SORCS3: variants seen among roughly 807,000 people sequenced by gnomAD.
The protein encoded by SORCS3 is sortilin related VPS10 domain containing receptor 3, also known as VPS10 domain-containing receptor SorCS3.
A neutral mutation model predicts 146.3 loss-of-function variants in SORCS3; 57 were observed. That is an observed-to-expected ratio of 0.39 (90% CI 0.31 to 0.49). SORCS3 has a LOEUF of 0.49. Ranked by LOEUF, SORCS3 falls within the 20% of genes least tolerant of loss-of-function variation. The pLI is 0.92. For missense variants in SORCS3, 1,341 were observed against 1,575.5 expected (o/e 0.85, Z 2.52); for synonymous variants, 653 against 618.5 (o/e 1.06, Z -0.83).
chr10:104,949,564 A>G (rs1176931173), intron 3 of SORCS3, among the ~76,000 whole-genome samples: 2 of 152,234 alleles, frequency 1.3e-5, no homozygotes, highest in Admixed American at 6.5e-5. Context: ...GTAGCATTTC[A>G]TAAATACATT....
intron 14 of SORCS3, among the ~76,000 whole-genome samples, chr10:105,186,158 G>A (rs1376830223): frequency 6.6e-6 from 1 of 152,096 alleles, no homozygotes; most frequent in African/African-American, 2.4e-5. Flanking sequence ...GGAATTGGTG[G>A]GTCATGGTGA....
chr10:104,736,803 A>G (rs914151365), intron 1 of SORCS3, among the ~76,000 whole-genome samples: 23 of 151,118 alleles, frequency 1.5e-4, no homozygotes, highest in African/African-American at 5.1e-4. Context: ...TATTATACTT[A>G]AAGTTTTCGG....
At chr10:105,090,388 T>G (rs2055693754) in intron 6 of SORCS3, among the ~76,000 whole-genome samples, 1 of 152,134 alleles carries the variant, frequency 6.6e-6, no homozygotes, top group South Asian at 2.1e-4. Flanking sequence ...GCAGTGAAAT[T>G]TCAGGATTTT....
At chr10:104,774,373 C>A (rs2133485805) in intron 1 of SORCS3, among the ~76,000 whole-genome samples, 1 of 152,294 alleles carries the variant, frequency 6.6e-6, no homozygotes, top group South Asian at 2.1e-4. Context: ...AGGTATTCAG[C>A]TGCACCACAG....
chr10:104,726,098 CT>C (rs1310007948), intron 1 of SORCS3, among the ~76,000 whole-genome samples: 2 of 152,210 alleles, frequency 1.3e-5, no homozygotes. Context: ...GGAGCTGTTC[CT>C]TTTCGGCCAT....
chr10:105,223,865 G>A (rs1437835133), intron 20 of SORCS3, among the ~76,000 whole-genome samples: 1 of 152,214 alleles, frequency 6.6e-6, no homozygotes, highest in Non-Finnish European at 1.5e-5. Context: ...GAAGCTGGGA[G>A]CAATTTGGCT....
At chr10:105,242,006 G>A (rs902157703) in intron 20 of SORCS3, among the ~76,000 whole-genome samples, 4 of 151,912 alleles carry the variant, frequency 2.6e-5, no homozygotes, top group Non-Finnish European at 5.9e-5. Flanking sequence ...TTGTAACTTG[G>A]CTTTCAGGCT....
In SORCS3 at chr10:105,100,096, T is replaced by C. The variant is rs791109; in HGVS notation, c.1094-5301T>C. The stretch of plus-strand genomic sequence containing the variant: ...TGGCTCCATTTAAATGATGTTACAA[T>C]GCTCCCTAAAGGGCCTGCTAGCTGT... On this transcript the variant is annotated intron_variant, in intron 6 of 26. Transcript: ENST00000369701. 2.3e-3 allele frequency among the ~76,000 whole-genome samples: 355 copies of C among 152,280 alleles called. 4 individuals carry two copies. The highest frequency in any genetic ancestry group is 8.4e-3 in the African/African-American group (348 of 41,540).
At chr10:104,666,394 T>C (rs1438317124) in intron 1 of SORCS3, among the ~76,000 whole-genome samples, 1 of 152,098 alleles carries the variant, frequency 6.6e-6, no homozygotes, top group African/African-American at 2.4e-5. Flanking sequence ...TGAAACTGCC[T>C]GGAGGGATGA....
chr10:105,219,188 A>G (rs750295617), intron 19 of SORCS3, among the ~76,000 whole-genome samples: 5 of 152,180 alleles, frequency 3.3e-5, no homozygotes, highest in Non-Finnish European at 7.3e-5. Context: ...ACTATGATTC[A>G]TTACAGCGAA....
At chr10:105,247,988 C>G (rs570809577) in intron 22 of SORCS3, among the ~76,000 whole-genome samples, 14 of 152,230 alleles carry the variant, frequency 9.2e-5, no homozygotes, top group Non-Finnish European at 1.8e-4. Context: ...TCTTCTCAAC[C>G]AAACATTTAT....
At chr10:104,992,926 G>A (rs1195638592) in intron 4 of SORCS3, among the ~76,000 whole-genome samples, 1 of 150,286 alleles carries the variant, frequency 6.7e-6, no homozygotes. Context: ...TTTTTTCTCT[G>A]TGTTTAGGAC....
intron 1 of SORCS3, among the ~76,000 whole-genome samples, chr10:104,782,268 C>A (rs1205620336): frequency 6.6e-6 from 1 of 152,146 alleles, no homozygotes; most frequent in African/African-American, 2.4e-5. Flanking sequence ...ATGTATCTCC[C>A]GGTTGTCTAG....
intron 25 of SORCS3, among the ~76,000 whole-genome samples, chr10:105,257,337 G>A (rs960108036): frequency 2.0e-5 from 3 of 152,144 alleles, no homozygotes; most frequent in Non-Finnish European, 2.9e-5. Flanking sequence ...TACAGACACC[G>A]ATGCATTTTT....
chr10:104,791,535 A>T (rs1457457569), intron 1 of SORCS3, among the ~76,000 whole-genome samples: 1 of 152,234 alleles, frequency 6.6e-6, no homozygotes, highest in Non-Finnish European at 1.5e-5. Flanking sequence ...ATGGCAGCCC[A>T]GTGGTGATGA....
chr10:105,167,420 A>G, intron 13 of SORCS3, 71 bp downstream of exon 13: 2 of 1,120,602 alleles, frequency 1.8e-6, no homozygotes, highest in East Asian at 2.4e-5. Context: ...GTGATGAGTT[A>G]TTCTGCATGG....
intron 1 of SORCS3, among the ~76,000 whole-genome samples, chr10:104,696,127 A>G (rs1371720661): frequency 8.9e-6 from 1 of 111,828 alleles, no homozygotes; most frequent in East Asian, 2.3e-4. Context: ...TATAATATAT[A>G]TCATATACAC....
intron 1 of SORCS3, among the ~76,000 whole-genome samples, chr10:104,783,679 A>G (rs1422535026): frequency 6.6e-6 from 1 of 152,184 alleles, no homozygotes; most frequent in South Asian, 2.1e-4. Flanking sequence ...GTGAACCAAG[A>G]TTGCGCCATT....
At chr10:104,694,552 G>C (rs1374705979) in intron 1 of SORCS3, among the ~76,000 whole-genome samples, 1 of 152,076 alleles carries the variant, frequency 6.6e-6, no homozygotes, top group Admixed American at 6.5e-5. Flanking sequence ...CAGATATAAA[G>C]GATTGCATAG....
Sources: gnomAD v4.1 joint callset for allele counts (sites outside exome capture counted in the v4.1 genomes callset) on GRCh38, gnomAD v4.1.1 for gene constraint, MANE v1.5 for transcripts, NCBI Gene and HGNC (gene_info 2026-07-23, HGNC 2026-07-21) for gene names.